NPAS3: variants seen among roughly 807,000 people sequenced by gnomAD.
NPAS3 encodes the protein neuronal PAS domain-containing protein 3.
In NPAS3, 14 loss-of-function variants were observed where a neutral mutation model predicts 73.1. The observed-to-expected ratio is 0.19, with a 90% CI of 0.13 to 0.30. The LOEUF is 0.30. Among genes scored for constraint, NPAS3 ranks in the 10% least tolerant of loss-of-function variants. The pLI is 1.00. For missense variants in NPAS3, 1,096 were observed against 1,250.0 expected, an observed-to-expected ratio of 0.88 and a Z score of 1.86; for synonymous variants, 620 against 541.5, an observed-to-expected ratio of 1.14 and a Z score of -2.01.
intron 9 of NPAS3, among the ~76,000 whole-genome samples, chr14:33,781,897 C>T (rs2062989571): frequency 6.6e-6 from 1 of 152,172 alleles, no homozygotes; most frequent in African/African-American, 2.4e-5. Context: ...GGAATATCAG[C>T]TGTGCCAGGA....
intron 2 of NPAS3, among the ~76,000 whole-genome samples, chr14:33,112,408 C>T (rs1377075342): frequency 1.3e-5 from 2 of 152,178 alleles, no homozygotes; most frequent in Non-Finnish European, 2.9e-5. Flanking sequence ...ATTTGCATTT[C>T]TCTGATGGCC....
chr14:33,529,169 A>G (rs760878434), intron 4 of NPAS3, among the ~76,000 whole-genome samples: 2 of 152,086 alleles, frequency 1.3e-5, no homozygotes, highest in Non-Finnish European at 1.5e-5. Flanking sequence ...TCTGGCCACC[A>G]CACTGTAGAG....
At chr14:33,208,315 A>G (rs1160467395) in intron 2 of NPAS3, among the ~76,000 whole-genome samples, 1 of 152,168 alleles carries the variant, frequency 6.6e-6, no homozygotes, top group African/African-American at 2.4e-5. Flanking sequence ...AGCGTTCTTT[A>G]TTACTATTCT....
chr14:33,450,633 T>C (rs190861423), intron 4 of NPAS3, among the ~76,000 whole-genome samples: 13 of 152,362 alleles, frequency 8.5e-5, no homozygotes, highest in Admixed American at 6.5e-4. Flanking sequence ...GCCAGATTGC[T>C]TGTAGTTTGA....
At chr14:33,399,453 T>G (rs1358860399) in intron 4 of NPAS3, among the ~76,000 whole-genome samples, 4 of 152,044 alleles carry the variant, frequency 2.6e-5, no homozygotes, top group African/African-American at 9.7e-5. Context: ...TCCATTAAAC[T>G]TTCAAAGAGA....
At chr14:33,271,922 A>T (rs1166446388) in intron 3 of NPAS3, among the ~76,000 whole-genome samples, 2 of 152,178 alleles carry the variant, frequency 1.3e-5, no homozygotes, top group East Asian at 3.9e-4. Context: ...AGTAGAAAAA[A>T]AAAGATCAAG....
intron 7 of NPAS3, among the ~76,000 whole-genome samples, chr14:33,770,365 T>C (rs1186618839): frequency 6.6e-6 from 1 of 152,202 alleles, no homozygotes; most frequent in Non-Finnish European, 1.5e-5. Flanking sequence ...TTAACAAAGC[T>C]TCGCAAGTGA....
intron 4 of NPAS3, among the ~76,000 whole-genome samples, chr14:33,395,776 T>TTTCA (rs574528514): frequency 2.3e-3 from 355 of 152,310 alleles, no homozygotes; most frequent in Non-Finnish European, 3.7e-3. Flanking sequence ...TTATTAGTGC[T>TTTCA]TTCATTCATT....
chr14:33,275,275 G>A (rs571245264), intron 3 of NPAS3, among the ~76,000 whole-genome samples: 1 of 152,074 alleles, frequency 6.6e-6, no homozygotes, highest in African/African-American at 2.4e-5. Context: ...TTTATTACTC[G>A]TTAGCCACTT....
At chr14:33,454,192 T>A (rs1378769594) in intron 4 of NPAS3, among the ~76,000 whole-genome samples, 1 of 152,230 alleles carries the variant, frequency 6.6e-6, no homozygotes, top group South Asian at 2.1e-4. Context: ...ATATTTACAG[T>A]GCCAGTAAGT....
chr14:33,336,717 A>C (rs2044244604), intron 3 of NPAS3, among the ~76,000 whole-genome samples: 1 of 152,152 alleles, frequency 6.6e-6, no homozygotes, highest in Admixed American at 6.6e-5. Context: ...ATCCCATCCT[A>C]TTCACAAATA....
intron 3 of NPAS3, among the ~76,000 whole-genome samples, chr14:33,263,843 T>C (rs2049067433): frequency 6.6e-6 from 1 of 152,184 alleles, no homozygotes; most frequent in South Asian, 2.1e-4. Context: ...TCACATCCCT[T>C]GTAAGTTGGA....
At chr14:33,567,205 G>A (rs1206373620) in intron 5 of NPAS3, among the ~76,000 whole-genome samples, 1 of 152,104 alleles carries the variant, frequency 6.6e-6, no homozygotes, top group African/African-American at 2.4e-5. Flanking sequence ...AGTCCCCACT[G>A]CCTCTGACAC....
Position 33,684,028 on chromosome 14 carries a change from GGTTA to G in NPAS3, c.733+7647_733+7650del, listed in dbSNP as rs367612138. 1.8e-3 allele frequency among the ~76,000 whole-genome samples: 273 copies of G among 152,192 alleles called. 2 individuals carry two copies. Among genetic ancestry groups the G allele is most frequent in the African/African-American group, 6.3e-3 (262 of 41,518 alleles). On this transcript the variant is annotated intron_variant, in intron 6 of 11. Transcript: ENST00000356141. ...TAAGTGGCTCACCCCAAGCTTCACAGGTTAGTTTTGTGGCCAAGATTAGAGGAAA... is the reference window on the plus strand; with the variant it reads ...TAAGTGGCTCACCCCAAGCTTCACAGGTTTTGTGGCCAAGATTAGAGGAAA...
At chr14:33,535,610 AT>A (rs1455751948) in intron 4 of NPAS3, among the ~76,000 whole-genome samples, 2 of 152,330 alleles carry the variant, frequency 1.3e-5, no homozygotes, top group Non-Finnish European at 2.9e-5. Context: ...GAATTAATCA[AT>A]TAACATGTTC....
At chr14:32,936,345 A>AG (rs2035694528), upstream of NPAS3, among the ~76,000 whole-genome samples, 1 of 152,036 alleles carries the variant, frequency 6.6e-6, no homozygotes, top group Non-Finnish European at 1.5e-5. Flanking sequence ...TAACTCAAAA[A>AG]GGGGCTATTC....
intron 4 of NPAS3, among the ~76,000 whole-genome samples, chr14:33,489,524 T>G (rs955347462): frequency 6.6e-6 from 1 of 152,190 alleles, no homozygotes; most frequent in Non-Finnish European, 1.5e-5. Context: ...CAGCAAAAGC[T>G]AGGCTAAGAT....
At chr14:33,037,273 G>A (rs1328973047) in intron 1 of NPAS3, among the ~76,000 whole-genome samples, 1 of 152,104 alleles carries the variant, frequency 6.6e-6, no homozygotes, top group Admixed American at 6.6e-5. Context: ...AAGATAGGTG[G>A]TTGGGACTTT....
chr14:33,077,486 C>G (rs1303853388), intron 2 of NPAS3, among the ~76,000 whole-genome samples: 1 of 152,154 alleles, frequency 6.6e-6, no homozygotes, highest in Non-Finnish European at 1.5e-5. Flanking sequence ...TTTGACAGAG[C>G]AGTGAGCTCA....
Sources: gnomAD v4.1 joint callset for allele counts (sites outside exome capture counted in the v4.1 genomes callset) on GRCh38, gnomAD v4.1.1 for gene constraint, MANE v1.5 for transcripts, NCBI Gene and HGNC (gene_info 2026-07-23, HGNC 2026-07-21) for gene names.